Variants in SYN3 observed in about 807,000 individuals in gnomAD.
SYN3 encodes the protein synapsin-3.
Under a neutral mutation model 65.8 loss-of-function variants are expected in SYN3, and 35 were observed. That is an observed-to-expected ratio of 0.53 (90% CI 0.41 to 0.70). The LOEUF (loss-of-function observed/expected upper bound fraction) is 0.70, where lower values mean the gene tolerates loss of function less well. SYN3 is among the 30% of genes least tolerant of loss of function. The pLI is 0.00. For synonymous variants in SYN3, 270 were observed against 292.9 expected (o/e 0.92, Z 0.80); for missense variants, 680 against 749.0 (o/e 0.91, Z 1.08).
At chr22:32,614,396 G>A (rs547743918) in intron 6 of SYN3, among the ~76,000 whole-genome samples, 8 of 152,336 alleles carry the variant, frequency 5.3e-5, no homozygotes, top group Non-Finnish European at 1.0e-4. Flanking sequence ...GCTCCTTCCT[G>A]GGCCTGGGGT....
intron 1 of SYN3, among the ~76,000 whole-genome samples, chr22:33,051,219 C>G (rs1215799800): frequency 6.6e-6 from 1 of 152,144 alleles, no homozygotes; most frequent in African/African-American, 2.4e-5. Flanking sequence ...AAAGATAACC[C>G]TTTGTAGGCC....
intron 3 of SYN3, among the ~76,000 whole-genome samples, chr22:32,975,300 A>G (rs1279503205): frequency 6.6e-6 from 1 of 151,364 alleles, no homozygotes; most frequent in Non-Finnish European, 1.5e-5. Flanking sequence ...ACTTGAACCC[A>G]GGAGGCAGAG....
intron 6 of SYN3, among the ~76,000 whole-genome samples, chr22:32,829,599 T>C (rs2047517264): frequency 6.6e-6 from 1 of 152,230 alleles, no homozygotes; most frequent in African/African-American, 2.4e-5. Flanking sequence ...TTAATTGGCC[T>C]GGGTCTGGCC....
intron 2 of SYN3, 68 bp from the exon 3 acceptor site, chr22:32,980,770 AG>A (rs1283121855): frequency 1.0e-5 from 15 of 1,448,428 alleles, no homozygotes; most frequent in Non-Finnish European, 1.4e-5. Flanking sequence ...CTTCTCCCAA[AG>A]GCCTTACCCC....
Position 32,869,032 on chromosome 22 carries a change from C to A in SYN3, c.555G>T (p.Gln185His). The A allele has an allele frequency of 6.2e-7, 1 of 1,614,138 alleles. No homozygotes were observed. Among genetic ancestry groups the A allele is most frequent in the Non-Finnish European group, 8.5e-7 (1 of 1,180,012 alleles). The change falls in exon 5 of 14, where the codon CAG becomes CAT. Residue 185 changes from glutamine (Q) to histidine (H), a missense_variant. Gln to His is a conservative substitution (Grantham distance 24, BLOSUM62 0). Coordinates refer to ENST00000358763, the MANE Select transcript of SYN3 (RefSeq NM_003490.4). ...EDYRSLVIGL[Q>H]YGGLPAVNSL... The stretch of plus-strand genomic sequence containing the variant: ...AGTTGACAGCAGGCAGCCCTCCATA[C>A]TGCAGGCCGATGACCAGGCTGCGGT...
intron 1 of SYN3, chr22:33,015,342 A>G: frequency 1.5e-6 from 1 of 654,806 alleles, no homozygotes; most frequent in Non-Finnish European, 2.4e-6. Context: ...GAATCCAGAG[A>G]AGATCAAAGA....
intron 7 of SYN3, among the ~76,000 whole-genome samples, chr22:32,557,133 A>G (rs1195141997): frequency 6.6e-6 from 1 of 152,212 alleles, no homozygotes. Flanking sequence ...GTCCTTAAAC[A>G]TATCTGAAAA....
Position 32,509,884 on chromosome 22 carries a change from T to G in SYN3, c.*3808A>C, listed in dbSNP as rs1366327327. 1.3e-5 allele frequency among the ~76,000 whole-genome samples: 2 copies of G among 152,088 alleles called. No homozygotes were observed. Among genetic ancestry groups the G allele is most frequent in the Non-Finnish European group, 2.9e-5 (2 of 68,016 alleles). ...CGCCTGGCCCCAGTGGGGAAATTAT[T>G]TAAATGTGTTGGCTATAAACTAGTG... On this transcript the variant is annotated 3_prime_UTR_variant, in exon 14 of 14. Coordinates refer to ENST00000358763, the MANE Select transcript of SYN3 (RefSeq NM_003490.4).
intron 7 of SYN3, among the ~76,000 whole-genome samples, chr22:32,567,347 TCCCTCCC>T (rs2058686613): frequency 2.7e-5 from 1 of 36,992 alleles, no homozygotes. Flanking sequence ...CCTCCCTCCC[TCCCTCCC>T]TTCTTTCCTT....
At chr22:32,714,491 C>T (rs910448702) in intron 6 of SYN3, among the ~76,000 whole-genome samples, 2 of 152,108 alleles carry the variant, frequency 1.3e-5, no homozygotes, top group Admixed American at 1.3e-4. Flanking sequence ...ATTCAGAAGT[C>T]TGGCATATTC....
intron 10 of SYN3, among the ~76,000 whole-genome samples, chr22:32,531,052 G>C (rs559187199): frequency 1.4e-5 from 2 of 147,780 alleles, no homozygotes; most frequent in African/African-American, 5.1e-5. Flanking sequence ...GCTCCCTGTG[G>C]AACGCGTTTC....
intron 7 of SYN3, among the ~76,000 whole-genome samples, chr22:32,548,592 T>G (rs1309319779): frequency 6.6e-6 from 1 of 151,838 alleles, no homozygotes; most frequent in Non-Finnish European, 1.5e-5. Flanking sequence ...CAGGATGGTC[T>G]CAATCTCCTG....
At chr22:32,814,629 A>G (rs913674849) in intron 6 of SYN3, among the ~76,000 whole-genome samples, 14 of 152,236 alleles carry the variant, frequency 9.2e-5, no homozygotes, top group African/African-American at 3.4e-4. Flanking sequence ...CCTTTAAGCC[A>G]GAGGAGATTC....
At chr22:32,548,764 GC>G (rs2058370191) in intron 7 of SYN3, among the ~76,000 whole-genome samples, 1 of 152,188 alleles carries the variant, frequency 6.6e-6, no homozygotes, top group Non-Finnish European at 1.5e-5. Flanking sequence ...GTAATTAAAA[GC>G]CGGATGATAG....
At chr22:32,856,364 C>G (rs1381735863) in intron 6 of SYN3, among the ~76,000 whole-genome samples, 4 of 152,010 alleles carry the variant, frequency 2.6e-5, no homozygotes, top group African/African-American at 9.7e-5. Flanking sequence ...AGGCACCAAC[C>G]TGGCTAGTCA....
chr22:32,600,196 C>T (rs1371422952), intron 6 of SYN3, among the ~76,000 whole-genome samples: 2 of 152,146 alleles, frequency 1.3e-5, no homozygotes, highest in African/African-American at 4.8e-5. Flanking sequence ...ACAGTCCCAT[C>T]TGGGGGTGAT....
intron 6 of SYN3, among the ~76,000 whole-genome samples, chr22:32,679,084 G>C (rs368056273): frequency 5.3e-5 from 6 of 112,432 alleles, no homozygotes; most frequent in African/African-American, 2.1e-4. Flanking sequence ...ATGGAGTCTC[G>C]ATCTGTCACC....
intron 6 of SYN3, among the ~76,000 whole-genome samples, chr22:32,613,218 T>C (rs989745661): frequency 6.6e-6 from 1 of 151,984 alleles, no homozygotes; most frequent in Non-Finnish European, 1.5e-5. Context: ...ATTAATTTTT[T>C]AAATAAAGTA....
chr22:32,833,589 A>G (rs2047641593), intron 6 of SYN3, among the ~76,000 whole-genome samples: 1 of 152,184 alleles, frequency 6.6e-6, no homozygotes, highest in South Asian at 2.1e-4. Flanking sequence ...GGCCTGTGAA[A>G]TGTGCCCATG....
Sources: gnomAD v4.1 joint callset for allele counts (sites outside exome capture counted in the v4.1 genomes callset) on GRCh38, gnomAD v4.1.1 for gene constraint, MANE v1.5 for transcripts, NCBI Gene and HGNC (gene_info 2026-07-23, HGNC 2026-07-21) for gene names.